The following LMBR1 variants were observed in gnomAD, a reference collection of about 807,000 sequenced individuals.
The protein encoded by LMBR1 is limb development membrane protein 1.
LMBR1 carries 52 observed loss-of-function variants against 73.9 expected under a neutral mutation model. The ratio of observed to expected loss-of-function variants is 0.70; its 90% CI spans 0.56 to 0.89. The LOEUF (loss-of-function observed/expected upper bound fraction) is 0.89. Among genes scored for constraint, LMBR1 ranks in the 40% least tolerant of loss-of-function variants. The pLI is 0.00. For synonymous variants in LMBR1, 215 were observed against 209.4 expected, an observed-to-expected ratio of 1.03 and a Z score of -0.23; for missense variants, 539 against 579.8, an observed-to-expected ratio of 0.93 and a Z score of 0.72.
At chr7:156,793,370 G>A (rs147270077) in intron 5 of LMBR1, among the ~76,000 whole-genome samples, 32 of 152,120 alleles carry the variant, frequency 2.1e-4, no homozygotes, top group African/African-American at 5.8e-4. Flanking sequence ...TTTTAAAACC[G>A]AAAAATATGA....
At chr7:156,735,491 G>T (rs970276316) in intron 9 of LMBR1, among the ~76,000 whole-genome samples, 4 of 149,170 alleles carry the variant, frequency 2.7e-5, no homozygotes, top group Admixed American at 2.0e-4. Flanking sequence ...CTGAAACAGA[G>T]AAATTAAAAT....
intron 1 of LMBR1, among the ~76,000 whole-genome samples, chr7:156,840,826 G>A (rs552701173): frequency 2.0e-5 from 3 of 151,094 alleles, no homozygotes; most frequent in Admixed American, 1.3e-4. Flanking sequence ...TTAGCCGGGC[G>A]TCGTGGCGGG....
In LMBR1 at chr7:156,762,126, ATACT is replaced by A. The variant is rs1437469511; in HGVS notation, c.684+4_684+7del. 7 of 1,542,326 alleles carry A rather than the reference ATACT, an allele frequency of 4.5e-6. No homozygotes were observed. The highest frequency in any genetic ancestry group is 1.1e-5 in the South Asian group (1 of 89,190). On this transcript the variant is annotated splice_donor_5th_base_variant and intron_variant, in intron 8 of 16. Coordinates refer to ENST00000353442, the MANE Select transcript of LMBR1 (RefSeq NM_022458.4). ...AATAAACAAAATGATTTATAATTAA[ATACT>A]TACTGTTGGCTTCACTAGCAACTGA...
intron 1 of LMBR1, among the ~76,000 whole-genome samples, chr7:156,860,970 C>A (rs113172759): frequency 5.3e-5 from 8 of 152,212 alleles, no homozygotes; most frequent in Non-Finnish European, 1.0e-4. Context: ...CTTTTTCAGG[C>A]GCATGGTGCA....
chr7:156,815,606 A>G (rs1833794175), intron 4 of LMBR1, among the ~76,000 whole-genome samples: 1 of 152,204 alleles, frequency 6.6e-6, no homozygotes, highest in South Asian at 2.1e-4. Context: ...TTAAAAGGGC[A>G]GAAAATAATA....
chr7:156,879,260 C>T (rs748178809), intron 1 of LMBR1, among the ~76,000 whole-genome samples: 8 of 152,150 alleles, frequency 5.3e-5, no homozygotes, highest in Non-Finnish European at 2.9e-5. Flanking sequence ...AAACAGAAAA[C>T]CCACAGAGTG....
At chr7:156,819,008 C>T (rs1359143448) in intron 4 of LMBR1, among the ~76,000 whole-genome samples, 1 of 152,170 alleles carries the variant, frequency 6.6e-6, no homozygotes, top group Non-Finnish European at 1.5e-5. Flanking sequence ...CAAGTGATGA[C>T]AACCACCAGC....
At chr7:156,782,766 A>G (rs1827375720) in intron 5 of LMBR1, among the ~76,000 whole-genome samples, 1 of 152,194 alleles carries the variant, frequency 6.6e-6, no homozygotes, top group Non-Finnish European at 1.5e-5. Flanking sequence ...GCTGGTCTCA[A>G]ACTCTTGGCC....
intron 8 of LMBR1, among the ~76,000 whole-genome samples, chr7:156,761,918 A>G (rs1490648062): frequency 6.7e-6 from 1 of 148,240 alleles, no homozygotes; most frequent in Non-Finnish European, 1.5e-5. Flanking sequence ...CGGAGCCTGC[A>G]GTGAGCCGAG....
chr7:156,779,797 T>C (rs1455776112), intron 5 of LMBR1: 1 of 646,470 alleles, frequency 1.5e-6, no homozygotes, highest in African/African-American at 1.9e-5. Flanking sequence ...CTGGGAAAAC[T>C]TCTACATTCA....
intron 9 of LMBR1, among the ~76,000 whole-genome samples, chr7:156,739,681 T>G (rs1165266695): frequency 2.0e-5 from 3 of 152,196 alleles, no homozygotes; most frequent in African/African-American, 7.2e-5. Context: ...GGATCTTATC[T>G]AAACCCACTG....
At chr7:156,890,481 G>A (rs1435983410) in intron 1 of LMBR1, among the ~76,000 whole-genome samples, 1 of 152,256 alleles carries the variant, frequency 6.6e-6, no homozygotes, top group Non-Finnish European at 1.5e-5. Flanking sequence ...AAGTTATTCT[G>A]TAAAGACCTT....
intron 4 of LMBR1, among the ~76,000 whole-genome samples, chr7:156,813,124 G>A (rs1273811224): frequency 6.6e-6 from 1 of 152,078 alleles, no homozygotes; most frequent in Non-Finnish European, 1.5e-5. Context: ...TAGATACAGG[G>A]TCTCGTTTTG....
chr7:156,731,931 A>C (rs971740385), intron 10 of LMBR1, among the ~76,000 whole-genome samples: 4 of 150,880 alleles, frequency 2.7e-5, no homozygotes, highest in African/African-American at 9.8e-5. Context: ...ATGTACCCTG[A>C]AAAAACATAT....
intron 4 of LMBR1, among the ~76,000 whole-genome samples, chr7:156,816,359 T>C (rs958975228): frequency 2.0e-5 from 3 of 152,134 alleles, no homozygotes; most frequent in South Asian, 2.1e-4. Context: ...ACACGCACCA[T>C]CACACCAGGC....
At chr7:156,836,776 T>G in intron 2 of LMBR1, 37 bp downstream of exon 2, 1 of 1,361,214 alleles carries the variant, frequency 7.3e-7, no homozygotes, top group Non-Finnish European at 1.0e-6. Flanking sequence ...CCATGTGGCA[T>G]TCTAACAAAG....
intron 4 of LMBR1, among the ~76,000 whole-genome samples, chr7:156,811,492 C>A (rs1833090279): frequency 6.6e-6 from 1 of 152,006 alleles, no homozygotes; most frequent in Non-Finnish European, 1.5e-5. Flanking sequence ...CGCCTGTAGT[C>A]CAGCTACTCG....
rs549705646 is a variant in LMBR1 at position 156,709,008 on chromosome 7, C to G, written c.1225+15104G>C. Among the ~76,000 whole-genome samples the G allele has an allele frequency of 2.0e-5, 3 of 152,290 alleles. No individual in the cohort carries two copies. The South Asian group carries it at 6.2e-4, about 32-fold the overall frequency. ...CCCCCAACAACCACGGTGGCTGCAG[C>G]AAGCCCTGCCCAGGGAGAATCAGAA... On this transcript the variant is annotated intron_variant, in intron 15 of 16. Transcript: ENST00000353442.
intron 16 of LMBR1, among the ~76,000 whole-genome samples, chr7:156,684,655 T>C (rs1163193343): frequency 1.3e-5 from 2 of 152,212 alleles, no homozygotes; most frequent in African/African-American, 4.8e-5. Flanking sequence ...CCCACTTGCA[T>C]TTTAAAATGC....
Sources: allele counts gnomAD v4.1 joint callset (sites outside exome capture counted in the v4.1 genomes callset), GRCh38; gene constraint gnomAD v4.1.1; transcripts MANE v1.5; gene names NCBI Gene and HGNC (gene_info 2026-07-23, HGNC 2026-07-21).